The following NOSTRIN variants were observed in gnomAD, a reference collection of about 807,000 sequenced individuals.
NOSTRIN encodes BM247 homolog.
A neutral mutation model predicts 59.0 loss-of-function variants in NOSTRIN; 63 were observed. The ratio of observed to expected loss-of-function variants is 1.07; its 90% confidence interval spans 0.87 to 1.32. NOSTRIN has a LOEUF of 1.32. Ranked by LOEUF, NOSTRIN falls within the 40% of genes most tolerant of loss-of-function variation. NOSTRIN has a pLI of 0.00. For missense variants in NOSTRIN, 512 were observed against 473.1 expected, an observed-to-expected ratio of 1.08 and a Z score of -0.76; for synonymous variants, 200 against 165.4, an observed-to-expected ratio of 1.21 and a Z score of -1.61.
upstream of NOSTRIN, among the ~76,000 whole-genome samples, chr2:168,794,608 C>T (rs1212688350): frequency 1.3e-5 from 2 of 152,208 alleles, no homozygotes; most frequent in East Asian, 1.9e-4. Flanking sequence ...GCCTCGGCCT[C>T]CCAAAGTGCT....
intron 8 of NOSTRIN, among the ~76,000 whole-genome samples, chr2:168,847,094 A>G (rs1362937929): frequency 1.3e-5 from 2 of 152,260 alleles, no homozygotes; most frequent in African/African-American, 4.8e-5. Flanking sequence ...CGCCTGCACC[A>G]TGGATGCTTA....
chr2:168,853,027 G>C (rs1253658132), intron 10 of NOSTRIN, among the ~76,000 whole-genome samples: 2 of 152,264 alleles, frequency 1.3e-5, no homozygotes, highest in Admixed American at 1.3e-4. Flanking sequence ...TCAATAAAAT[G>C]AGGATTATTC....
rs556775882 is a variant in NOSTRIN at position 168,863,917 on chromosome 2, AT to A, written c.1385-906del. Among the ~76,000 whole-genome samples the A allele has an allele frequency of 9.4e-4, 139 of 147,656 alleles. 1 individual carries two copies. The highest frequency in any genetic ancestry group is 2.6e-3 in the African/African-American group (104 of 40,522). On this transcript the variant is annotated intron_variant, in intron 15 of 15. Coordinates refer to ENST00000317647, the MANE Select transcript of NOSTRIN (RefSeq NM_001039724.4). ...ATATGATCCAACGTGATCTTTTTTT[AT>A]TTTTTTTTTTGAGGCAGAGTCTTGC...
intron 7 of NOSTRIN, 145 bp downstream of exon 7, chr2:168,834,470 A>C (rs1254039974): frequency 1.8e-6 from 1 of 543,302 alleles, no homozygotes. Context: ...ATAAAAGGGG[A>C]TTCCAAATCA....
At chr2:168,789,691 A>G (rs896695646) in intron 2 of NOSTRIN, among the ~76,000 whole-genome samples, 2 of 152,234 alleles carry the variant, frequency 1.3e-5, no homozygotes, top group African/African-American at 4.8e-5. Flanking sequence ...TTGGGAGGCT[A>G]CTACTATCAC....
upstream of NOSTRIN, among the ~76,000 whole-genome samples, chr2:168,794,076 C>A (rs1685421829): frequency 6.6e-6 from 1 of 152,164 alleles, no homozygotes; most frequent in African/African-American, 2.4e-5. Context: ...AGTAATATAA[C>A]CTTCCTTCAT....
chr2:168,829,273 C>A (rs965865025), intron 5 of NOSTRIN, among the ~76,000 whole-genome samples: 2 of 146,666 alleles, frequency 1.4e-5, no homozygotes, highest in African/African-American at 5.0e-5. Flanking sequence ...TTCCCTCCCT[C>A]CCTCCCTTCC....
At chr2:168,828,106 T>C in intron 3 of NOSTRIN, 52 bp from the exon 4 acceptor site, 2 of 868,572 alleles carry the variant, frequency 2.3e-6, no homozygotes, top group Non-Finnish European at 4.0e-6. Flanking sequence ...GCACATCCTA[T>C]TTCCTAGGAA....
At chr2:168,809,201 A>C (rs1356896530) in intron 1 of NOSTRIN, among the ~76,000 whole-genome samples, 1 of 152,210 alleles carries the variant, frequency 6.6e-6, no homozygotes, top group South Asian at 2.1e-4. Context: ...CACAGCCATC[A>C]GGGACCCAGG....
Position 168,834,337 on chromosome 2 carries a change from T to G in NOSTRIN, c.504+12T>G. 1 of 872,068 alleles carries G rather than the reference T, an allele frequency of 1.1e-6. No homozygotes were observed. Among genetic ancestry groups the G allele is most frequent in the African/African-American group, 1.6e-5 (1 of 61,392 alleles). The allele number at this position is 872,068 out of a possible 1,614,324, so 54.0% of individuals were successfully genotyped here. ...AGGAGAAGCGGAAGGTAAGCTGTCA[T>G]GGCTGGCTGGGCGCATGTGCCATAG... On this transcript the variant is annotated intron_variant, in intron 7 of 15. Coordinates refer to ENST00000317647, the MANE Select transcript of NOSTRIN (RefSeq NM_001039724.4).
chr2:168,805,676 C>A (rs1300133881), intron 1 of NOSTRIN, among the ~76,000 whole-genome samples: 1 of 152,168 alleles, frequency 6.6e-6, no homozygotes, highest in African/African-American at 2.4e-5. Context: ...GTCAGCCCCT[C>A]CCCGCATGTC....
intron 8 of NOSTRIN, among the ~76,000 whole-genome samples, chr2:168,844,328 C>G (rs531328): frequency 5.3e-5 from 8 of 151,890 alleles, no homozygotes; most frequent in African/African-American, 1.7e-4. Flanking sequence ...AATTAAATAA[C>G]TATCAATTCT....
intron 7 of NOSTRIN, among the ~76,000 whole-genome samples, chr2:168,837,588 C>T (rs1336173541): frequency 6.6e-6 from 1 of 152,060 alleles, no homozygotes; most frequent in Non-Finnish European, 1.5e-5. Context: ...GGATTACAGG[C>T]GTGAGCCACC....
At chr2:168,836,051 G>GT in intron 7 of NOSTRIN, among the ~76,000 whole-genome samples, 1 of 152,186 alleles carries the variant, frequency 6.6e-6, no homozygotes. Context: ...GTCATCACCA[G>GT]TAGCTCTTTC....
At chr2:168,841,235 CAAAAA>C (rs57480764) in intron 7 of NOSTRIN, among the ~76,000 whole-genome samples, 4 of 106,586 alleles carry the variant, frequency 3.8e-5, no homozygotes, top group African/African-American at 3.5e-5. Flanking sequence ...ACCCTGTCTC[CAAAAA>C]AAAAAAAAAA....
chr2:168,796,496 A>C (rs2105504574), upstream of NOSTRIN, among the ~76,000 whole-genome samples: 1 of 152,302 alleles, frequency 6.6e-6, no homozygotes, highest in East Asian at 1.9e-4. Flanking sequence ...TCTTGCTGTG[A>C]ATATAGCAAA....
chr2:168,813,360 A>G (rs913180796), intron 2 of NOSTRIN, among the ~76,000 whole-genome samples: 3 of 152,186 alleles, frequency 2.0e-5, no homozygotes, highest in Non-Finnish European at 4.4e-5. Flanking sequence ...AAGACAGGCA[A>G]TAGATGATGC....
chr2:168,810,269 T>A (rs1686063968), intron 1 of NOSTRIN, among the ~76,000 whole-genome samples: 1 of 152,228 alleles, frequency 6.6e-6, no homozygotes, highest in South Asian at 2.1e-4. Flanking sequence ...CACAGCTTTC[T>A]GTGTTAAATT....
In NOSTRIN at chr2:168,828,909, GTA is replaced by G. The variant is rs537668023; in HGVS notation, c.342+416_342+417del. Among the ~76,000 whole-genome samples the G allele has an allele frequency of 1.8e-3, 280 of 152,020 alleles. 2 individuals carry two copies. The highest frequency in any genetic ancestry group is 3.2e-3 in the Non-Finnish European group (218 of 67,990). On this transcript the variant is annotated intron_variant, in intron 5 of 15. Transcript: ENST00000317647. ...AATCTCAACTTTATAAAATGAATATGTATATATATGTATAGAAAAAGCTGGAA... is the reference window on the plus strand; with the variant it reads ...AATCTCAACTTTATAAAATGAATATGTATATATGTATAGAAAAAGCTGGAA...
Sources: allele counts gnomAD v4.1 joint callset (sites outside exome capture counted in the v4.1 genomes callset), GRCh38; gene constraint gnomAD v4.1.1; transcripts MANE v1.5; gene names NCBI Gene and HGNC (gene_info 2026-07-23, HGNC 2026-07-21).